The following SEMA3C variants were observed in gnomAD, a reference collection of about 807,000 sequenced individuals.
The protein encoded by SEMA3C is semaphorin-3C.
Under a neutral mutation model 89.4 loss-of-function variants are expected in SEMA3C, and 47 were observed. The observed-to-expected ratio is 0.53, with a 90% CI of 0.42 to 0.67. The LOEUF is 0.67. SEMA3C is among the 30% of genes least tolerant of loss of function. SEMA3C has a pLI of 0.00. For synonymous variants in SEMA3C, 310 were observed against 320.2 expected, an observed-to-expected ratio of 0.97 and a Z score of 0.34; for missense variants, 839 against 929.1, an observed-to-expected ratio of 0.90 and a Z score of 1.26.
chr7:80,874,698 C>A (rs978150114), intron 2 of SEMA3C, among the ~76,000 whole-genome samples: 1 of 151,966 alleles, frequency 6.6e-6, no homozygotes, highest in Admixed American at 6.6e-5. Flanking sequence ...GAACTCCTGA[C>A]CTCAGTTAAT....
At chr7:80,909,003 T>C (rs1225349225) in intron 2 of SEMA3C, among the ~76,000 whole-genome samples, 1 of 152,084 alleles carries the variant, frequency 6.6e-6, no homozygotes, top group Non-Finnish European at 1.5e-5. Flanking sequence ...TATATGAATA[T>C]ACAAGAGAGT....
In SEMA3C at chr7:80,785,560, T is replaced by G. The variant is rs537311038; in HGVS notation, c.1354+3746A>C. On this transcript the variant is annotated intron_variant, in intron 12 of 17. Transcript: ENST00000265361. Reference sequence around the variant, plus strand: ...GCTAGGAAATCCTGGGACAATGACCTGTGATTCTCCCCTAAAAAAGCTATT... The same window carrying G: ...GCTAGGAAATCCTGGGACAATGACCGGTGATTCTCCCCTAAAAAAGCTATT... 7.2e-4 allele frequency among the ~76,000 whole-genome samples: 109 copies of G among 152,308 alleles called. 1 individual carries two copies. The highest frequency in any genetic ancestry group is 2.5e-3 in the African/African-American group (102 of 41,578).
chr7:80,846,854 G>A (rs1304646934), intron 2 of SEMA3C, among the ~76,000 whole-genome samples: 1 of 152,152 alleles, frequency 6.6e-6, no homozygotes, highest in African/African-American at 2.4e-5. Context: ...CTACACTTAA[G>A]AGGAGTTAAG....
In SEMA3C at chr7:80,880,761, C is replaced by T. The variant is rs565016666; in HGVS notation, c.103+35918G>A. 7.9e-5 allele frequency among the ~76,000 whole-genome samples: 12 copies of T among 152,198 alleles called. No individual in the cohort carries two copies. In the South Asian group the frequency reaches 2.1e-3, roughly 26 times the overall value. ...CCACCATGGTGAAACCCCATCTCTA[C>T]TAAAAACACAAAAATTAGCCGGGCG... On this transcript the variant is annotated intron_variant, in intron 2 of 17. Transcript: ENST00000265361.
intron 14 of SEMA3C, among the ~76,000 whole-genome samples, chr7:80,760,858 G>A (rs1400442375): frequency 6.6e-6 from 1 of 152,140 alleles, no homozygotes; most frequent in East Asian, 1.9e-4. Context: ...AGATTGGGAT[G>A]CAAATGCATG....
At chr7:80,754,864 G>A (rs1473722404) in intron 15 of SEMA3C, among the ~76,000 whole-genome samples, 3 of 151,756 alleles carry the variant, frequency 2.0e-5, no homozygotes, top group Admixed American at 6.6e-5. Flanking sequence ...TGCAATCTCC[G>A]CCACAAGGGT....
intron 2 of SEMA3C, among the ~76,000 whole-genome samples, chr7:80,868,724 G>C (rs192115571): frequency 6.6e-6 from 1 of 152,058 alleles, no homozygotes; most frequent in African/African-American, 2.4e-5. Context: ...GGAGGAGGGG[G>C]ATTATAGTCT....
rs530057000 is a variant in SEMA3C at position 80,777,300 on chromosome 7, G to T, written c.1354+12006C>A. Among the ~76,000 whole-genome samples, 64 of 148,140 alleles carry T rather than the reference G, an allele frequency of 4.3e-4. No individual in the cohort carries two copies. The South Asian group carries it at 7.3e-3, about 17-fold the overall frequency. On this transcript the variant is annotated intron_variant, in intron 12 of 17. Coordinates refer to ENST00000265361, the MANE Select transcript of SEMA3C (RefSeq NM_006379.5). ...TCTAATAAATTATTTTTTATTTGGG[G>T]TTTTTTTTTTAGACGGCGTCTGGCT...
At chr7:80,791,606 T>C (rs1003436054) in intron 11 of SEMA3C, among the ~76,000 whole-genome samples, 2 of 152,172 alleles carry the variant, frequency 1.3e-5, no homozygotes, top group African/African-American at 4.8e-5. Flanking sequence ...TATCCAAAGA[T>C]GGCAATGAAC....
chr7:80,756,894 A>G lies in SEMA3C; in HGVS notation c.1643+1437T>C, dbSNP rs58223622. 9.9e-3 allele frequency among the ~76,000 whole-genome samples: 1,509 copies of G among 152,290 alleles called. 19 individuals carry two copies. The highest frequency in any genetic ancestry group is 0.034 in the African/African-American group (1,397 of 41,568). On this transcript the variant is annotated intron_variant, in intron 15 of 17. Transcript: ENST00000265361. ...CCTTCTCTGCCCTTTTTAAATTCAC[A>G]GATCGTGTTATTATTTGATATACCA...
chr7:80,801,100 A>G (rs1408106870), intron 9 of SEMA3C, among the ~76,000 whole-genome samples: 4 of 152,132 alleles, frequency 2.6e-5, no homozygotes, highest in African/African-American at 9.6e-5. Flanking sequence ...TATATTACAT[A>G]ATATGGACTA....
intron 2 of SEMA3C, among the ~76,000 whole-genome samples, chr7:80,873,324 A>C (rs1226095627): frequency 6.6e-6 from 1 of 152,168 alleles, no homozygotes; most frequent in Admixed American, 6.5e-5. Flanking sequence ...TGTGGTTCTA[A>C]TCTGGACATC....
chr7:80,880,688 C>T (rs1791313480), intron 2 of SEMA3C, among the ~76,000 whole-genome samples: 1 of 152,184 alleles, frequency 6.6e-6, no homozygotes, highest in South Asian at 2.1e-4. Context: ...ACTTTGGGAG[C>T]CCAAGGCAGG....
chr7:80,771,076 G>A (rs1178968068), intron 12 of SEMA3C, among the ~76,000 whole-genome samples: 1 of 152,156 alleles, frequency 6.6e-6, no homozygotes, highest in Non-Finnish European at 1.5e-5. Flanking sequence ...TAAGGTGTGT[G>A]GTCACTTTCA....
chr7:80,856,138 T>G (rs865781810), intron 2 of SEMA3C, among the ~76,000 whole-genome samples: 1 of 152,174 alleles, frequency 6.6e-6, no homozygotes, highest in African/African-American at 2.4e-5. Context: ...ATTATTTTTT[T>G]GAAGGGCTCA....
intron 12 of SEMA3C, among the ~76,000 whole-genome samples, chr7:80,767,101 T>C (rs1052257366): frequency 4.6e-5 from 7 of 152,232 alleles, no homozygotes; most frequent in African/African-American, 1.7e-4. Flanking sequence ...CTTCCATTCC[T>C]GCTCTAAAGC....
chr7:80,841,553 A>G (rs959403870), intron 2 of SEMA3C, among the ~76,000 whole-genome samples: 1 of 152,150 alleles, frequency 6.6e-6, no homozygotes, highest in Non-Finnish European at 1.5e-5. Context: ...TGACAGAAAC[A>G]TCAGCATCTA....
At chr7:80,840,806 C>A (rs959116193) in intron 2 of SEMA3C, among the ~76,000 whole-genome samples, 5 of 152,000 alleles carry the variant, frequency 3.3e-5, no homozygotes, top group African/African-American at 1.2e-4. Flanking sequence ...CAATATTATA[C>A]TAAAATCACA....
intron 2 of SEMA3C, among the ~76,000 whole-genome samples, chr7:80,864,531 G>A (rs1424558411): frequency 1.3e-5 from 2 of 151,670 alleles, no homozygotes; most frequent in Non-Finnish European, 2.9e-5. Flanking sequence ...TAGTAATAGG[G>A]AAAATATATT....
Sources: gnomAD v4.1 joint callset for allele counts (sites outside exome capture counted in the v4.1 genomes callset) on GRCh38, gnomAD v4.1.1 for gene constraint, MANE v1.5 for transcripts, NCBI Gene and HGNC (gene_info 2026-07-23, HGNC 2026-07-21) for gene names.